Variants in TAF1 observed in about 807,000 individuals in gnomAD.
TAF1 encodes transcription initiation factor TFIID subunit 1.
TAF1 carries 2 observed loss-of-function variants against 138.5 expected under a neutral mutation model. That is an observed-to-expected ratio of 0.01 (90% CI 0.01 to 0.05). TAF1 has a LOEUF of 0.05. Ranked by LOEUF, TAF1 falls within the 10% of genes least tolerant of loss-of-function variation. The pLI is 1.00. For synonymous variants in TAF1, 437 were observed against 503.2 expected (o/e 0.87, Z 1.76); for missense variants, 709 against 1,478.0 (o/e 0.48, Z 8.53).
chrX:71,506,693 C>G (rs2039634863), intron 13 of TAF1, among the ~76,000 whole-genome samples: 1 of 104,783 alleles, frequency 9.5e-6, no homozygotes, highest in Non-Finnish European at 1.9e-5. Context: ...CAGAGCGAGA[C>G]CCTGTCTCAA....
chrX:71,383,675 A>T (rs951937967), intron 12 of TAF1, among the ~76,000 whole-genome samples: 1 of 112,282 alleles, frequency 8.9e-6, no homozygotes, highest in African/African-American at 3.2e-5. Flanking sequence ...GTTATTGGTT[A>T]GGGAATAATG....
At chrX:71,463,685 C>T in intron 37 of TAF1, 139 bp from the exon 38 acceptor site, 1 of 544,811 alleles carries the variant, frequency 1.8e-6, no homozygotes. Flanking sequence ...CTCTCAGGGA[C>T]ATGTAGAATA....
At chrX:71,506,553 G>A (rs1256428640) in intron 13 of TAF1, among the ~76,000 whole-genome samples, 3 of 106,491 alleles carry the variant, frequency 2.8e-5, no homozygotes, top group African/African-American at 1.0e-4. Flanking sequence ...AAAGTAGCCG[G>A]GCATGGTGGC....
intron 32 of TAF1, among the ~76,000 whole-genome samples, chrX:71,428,011 A>ATTT (rs779199962): frequency 5.4e-5 from 4 of 74,457 alleles, no homozygotes; most frequent in Non-Finnish European, 7.1e-5. Flanking sequence ...GATTAGCTCA[A>ATTT]TTTTTTTTTT....
At chrX:71,411,919 G>A (rs1034281071) in intron 28 of TAF1, among the ~76,000 whole-genome samples, 16 of 111,160 alleles carry the variant, frequency 1.4e-4, no homozygotes, top group South Asian at 3.7e-4. Flanking sequence ...CACCACTCCC[G>A]GCTAATTTTG....
At chrX:71,529,229 G>C (rs996614761) in intron 14 of TAF1, among the ~76,000 whole-genome samples, 7 of 109,955 alleles carry the variant, frequency 6.4e-5, no homozygotes, top group Non-Finnish European at 1.3e-4. Flanking sequence ...CCGCCACCAC[G>C]CCTGACTAAT....
intron 12 of TAF1, 144 bp from the exon 13 acceptor site, chrX:71,383,818 C>A: frequency 1.4e-6 from 1 of 694,729 alleles, no homozygotes; most frequent in Non-Finnish European, 2.1e-6. Flanking sequence ...ATTCTTTGAA[C>A]TTTACAGTAT....
intron 29 of TAF1, among the ~76,000 whole-genome samples, 193 bp downstream of exon 29, chrX:71,421,569 G>A (rs1175912895): frequency 1.1e-4 from 12 of 111,740 alleles, no homozygotes; most frequent in Admixed American, 1.1e-3. Flanking sequence ...AACTGGGCCC[G>A]TAGAAGAAAA....
At chrX:71,486,011 T>C (rs774251306) in intron 13 of TAF1, among the ~76,000 whole-genome samples, 1 of 109,905 alleles carries the variant, frequency 9.1e-6, no homozygotes, top group East Asian at 2.8e-4. Flanking sequence ...AATCTTGCGT[T>C]GTCACCCAGG....
rs1294369902 is a variant in TAF1, at chrX:71,465,749, T to C, written c.*1703T>C. Reference sequence around the variant, plus strand: ...AAAGAAATTGAAGAATCATGTAACATATGTGATCGCATTTTTGTAAAAGAA... The same window carrying C: ...AAAGAAATTGAAGAATCATGTAACACATGTGATCGCATTTTTGTAAAAGAA... On this transcript the variant is annotated 3_prime_UTR_variant, in exon 38 of 38. Transcript: ENST00000423759. 3 of 112,029 alleles carry C rather than the reference T, an allele frequency of 2.7e-5. No individual in the cohort carries two copies. The highest frequency in any genetic ancestry group is 9.7e-5 in the African/African-American group (3 of 30,815). The allele number at this position is 112,029 out of a possible 1,213,427, so 9.2% of individuals were successfully genotyped here.
chrX:71,421,331 G>A lies in TAF1; in HGVS notation c.4407G>A (p.Gln1469=), dbSNP rs777129705. ...TYNGPKHSLT[Q]ISQSMLDLCD... ...CAGGGCCAAAACACTCATTGACTCA[G>A]ATCTCTCAATCCATGCTGGATCTCT... The change falls in exon 29 of 38, where the codon CAG becomes CAA. Residue 1469 remains glutamine, a synonymous_variant. Transcript: ENST00000423759. The A allele has an allele frequency of 6.9e-6, 8 of 1,156,227 alleles. No homozygotes were observed. The highest frequency in any genetic ancestry group is 9.3e-6 in the Non-Finnish European group (8 of 861,988).
chrX:71,423,099 T>G lies in TAF1; in HGVS notation c.4453-18T>G, dbSNP rs1185357694. On this transcript the variant is annotated intron_variant, in intron 29 of 37. Coordinates refer to ENST00000423759, the MANE Select transcript of TAF1 (RefSeq NM_004606.5). ...CTTAGGGAAACCTCTGTCTTGGCTT[T>G]GCTTTGTTTAATTTCAGAAAGAAGA... 2.5e-6 allele frequency: 3 copies of G among 1,211,113 alleles called. No homozygotes were observed. In the South Asian group the frequency reaches 5.3e-5, roughly 21 times the overall value.
At chrX:71,425,821 G>A (rs778533599) in intron 32 of TAF1, among the ~76,000 whole-genome samples, 2 of 111,600 alleles carry the variant, frequency 1.8e-5, no homozygotes, top group Non-Finnish European at 3.8e-5. Flanking sequence ...ACTTACATGC[G>A]CTGGCACTGA....
downstream of TAF1, among the ~76,000 whole-genome samples, chrX:71,469,298 A>T (rs1474868088): frequency 8.9e-6 from 1 of 111,960 alleles, no homozygotes; most frequent in Non-Finnish European, 1.9e-5. Flanking sequence ...TGGCCACAAG[A>T]TGAACATGGG....
intron 3 of TAF1, chrX:71,368,931 A>G (rs2032794211): frequency 1.0e-5 from 1 of 96,472 alleles, no homozygotes; most frequent in Non-Finnish European, 2.1e-5. Flanking sequence ...GCTCACTGCA[A>G]TCTCCACCTC....
intron 32 of TAF1, among the ~76,000 whole-genome samples, chrX:71,434,763 A>G (rs2037058378): frequency 8.9e-6 from 1 of 112,365 alleles, no homozygotes; most frequent in South Asian, 3.7e-4. Flanking sequence ...TTTGAAAAGA[A>G]CATTAATAAT....
At chrX:71,368,983 T>G (rs1360092008) in intron 3 of TAF1, 3 of 104,992 alleles carry the variant, frequency 2.9e-5, no homozygotes, top group African/African-American at 1.0e-4. Flanking sequence ...CCCAAGTAGC[T>G]GGGACTACAG....
intron 25 of TAF1, among the ~76,000 whole-genome samples, chrX:71,406,313 G>A (rs1374558546): frequency 2.1e-5 from 2 of 94,098 alleles, no homozygotes; most frequent in Non-Finnish European, 4.1e-5. Flanking sequence ...TGGGTAACGA[G>A]CGAACTACAT....
At chrX:71,399,030 C>G (rs968617942) in intron 24 of TAF1, among the ~76,000 whole-genome samples, 1 of 110,391 alleles carries the variant, frequency 9.1e-6, no homozygotes, top group Non-Finnish European at 1.9e-5. Flanking sequence ...GCCTCTGCCT[C>G]CTGGGCTCAA....
Sources: gnomAD v4.1 joint callset for allele counts (sites outside exome capture counted in the v4.1 genomes callset) on GRCh38, gnomAD v4.1.1 for gene constraint, MANE v1.5 for transcripts, NCBI Gene and HGNC (gene_info 2026-07-23, HGNC 2026-07-21) for gene names.